The following IGF2BP1 variants were observed in gnomAD, a reference collection of about 807,000 sequenced individuals.
IGF2BP1 encodes insulin-like growth factor 2 mRNA-binding protein 1.
Under a neutral mutation model 74.9 loss-of-function variants are expected in IGF2BP1, and 11 were observed. The ratio of observed to expected loss-of-function variants is 0.15; its 90% CI spans 0.09 to 0.24. The LOEUF is 0.24. Ranked by LOEUF, IGF2BP1 falls within the 10% of genes least tolerant of loss-of-function variation. The pLI is 1.00. For missense variants in IGF2BP1, 440 were observed against 757.4 expected, an observed-to-expected ratio of 0.58 and a Z score of 4.92; for synonymous variants, 287 against 281.8, an observed-to-expected ratio of 1.02 and a Z score of -0.18.
Position 49,019,904 on chromosome 17 carries a change from TTATATATATATATATATATATATATA to T in IGF2BP1, c.237-5694_237-5669del, listed in dbSNP as rs60753189. The stretch of plus-strand genomic sequence containing the variant: ...GACCACAGGTGCACACCTGGCTAAT[TTATATATATATATATATATATATATA>T]TATATATATATATATATATTTATAT... On this transcript the variant is annotated intron_variant, in intron 2 of 14. Transcript: ENST00000290341. 1.8e-3 allele frequency among the ~76,000 whole-genome samples: 80 copies of T among 43,906 alleles called. 2 individuals are homozygous for T. The highest frequency in any genetic ancestry group is 3.2e-3 in the African/African-American group (39 of 12,050). 28.8% of individuals were successfully genotyped at this position (43,906 alleles called of 152,430 possible). A position where few individuals can be genotyped will look rare whatever the true frequency, so the allele number is the denominator to read the frequency against.
chr17:49,037,773 G>T (rs1051886622), intron 5 of IGF2BP1, among the ~76,000 whole-genome samples: 2 of 152,140 alleles, frequency 1.3e-5, no homozygotes, highest in Non-Finnish European at 2.9e-5. Context: ...TGTTAGCTTT[G>T]TGGAGCCTCT....
chr17:49,013,275 C>T (rs902036903), intron 2 of IGF2BP1, among the ~76,000 whole-genome samples: 1 of 152,188 alleles, frequency 6.6e-6, no homozygotes. Flanking sequence ...TCTATTGTGA[C>T]TTTGCTATGG....
At chr17:49,049,269 G>C in intron 14 of IGF2BP1, 83 bp from the exon 15 acceptor site, 2 of 1,104,532 alleles carry the variant, frequency 1.8e-6, no homozygotes, top group Non-Finnish European at 2.7e-6. Flanking sequence ...TATTGCCTGT[G>C]TCTGGACCTG....
Position 49,043,132 on chromosome 17 carries a change from C to T in IGF2BP1, c.1078-296C>T, listed in dbSNP as rs571464336. On this transcript the variant is annotated intron_variant, in intron 9 of 14. Transcript: ENST00000290341. ...AGTGTCATGGGTCTATCGTCTGTCTCCAGCAGTCTGAACAGCCAGAGAGGA... is the reference window on the plus strand; with the variant it reads ...AGTGTCATGGGTCTATCGTCTGTCTTCAGCAGTCTGAACAGCCAGAGAGGA... Among the ~76,000 whole-genome samples, 5 of 152,246 alleles carry T rather than the reference C, an allele frequency of 3.3e-5. No individual in the cohort carries two copies. The South Asian group carries it at 1.0e-3, about 32-fold the overall frequency.
intron 2 of IGF2BP1, among the ~76,000 whole-genome samples, chr17:49,019,987 C>T (rs1218094671): frequency 6.9e-5 from 6 of 87,512 alleles, no homozygotes; most frequent in South Asian, 4.1e-4. Flanking sequence ...TACACCCACA[C>T]ATATATATAC....
intron 2 of IGF2BP1, among the ~76,000 whole-genome samples, chr17:49,016,802 C>T (rs1345089692): frequency 7.8e-6 from 1 of 128,662 alleles, no homozygotes; most frequent in African/African-American, 2.9e-5. Flanking sequence ...CGCCCGCCCG[C>T]CCCCCTGTCC....
At chr17:49,016,594 G>A (rs908244320) in intron 2 of IGF2BP1, among the ~76,000 whole-genome samples, 6 of 152,140 alleles carry the variant, frequency 3.9e-5, no homozygotes, top group Non-Finnish European at 5.9e-5. Flanking sequence ...GAGGCAGTGC[G>A]TGTATGCCAC....
At chr17:49,038,807 G>A (rs917499603) in intron 6 of IGF2BP1, among the ~76,000 whole-genome samples, 33 of 151,746 alleles carry the variant, frequency 2.2e-4, no homozygotes, top group African/African-American at 6.5e-4. Flanking sequence ...TGGCCAACCT[G>A]TCCAAAATTA....
chr17:49,046,957 C>G lies in IGF2BP1; in HGVS notation c.1641+584C>G, dbSNP rs141236109. Reference sequence around the variant, plus strand: ...ATCAGGTTCAAATTTTGCTGAACCTCAGCAAGGCAAGCAAACAGGTGGTTG... The same window carrying G: ...ATCAGGTTCAAATTTTGCTGAACCTGAGCAAGGCAAGCAAACAGGTGGTTG... On this transcript the variant is annotated intron_variant, in intron 14 of 14. Coordinates refer to ENST00000290341, the MANE Select transcript of IGF2BP1 (RefSeq NM_006546.4). Among the ~76,000 whole-genome samples the G allele has an allele frequency of 1.2e-4, 18 of 152,288 alleles. 1 individual carries two copies. The East Asian group carries it at 3.5e-3, about 29-fold the overall frequency.
Position 49,038,355 on chromosome 17 carries a change from C to T in IGF2BP1, c.589C>T (p.Pro197Ser). The stretch of plus-strand genomic sequence containing the variant: ...AGCCAAGCAGCAGCAAGTGGACATC[C>T]CCCTTCGGCTCCTGGTGCCCACCCA... Reference protein sequence around the residue: ...APAKQQQVDIPLRLLVPTQYV... With the variant: ...APAKQQQVDISLRLLVPTQYV... The change falls in exon 6 of 15, where the codon CCC becomes TCC. Residue 197 changes from proline (P) to serine (S), a missense_variant. Transcript: ENST00000290341. The T allele has an allele frequency of 6.2e-7, 1 of 1,606,028 alleles. No individual in the cohort carries two copies. Among genetic ancestry groups the T allele is most frequent in the Non-Finnish European group, 8.5e-7 (1 of 1,176,448 alleles).
intron 2 of IGF2BP1, chr17:49,004,827 A>T (rs908495713): frequency 6.6e-6 from 1 of 152,224 alleles, no homozygotes; most frequent in Non-Finnish European, 1.5e-5. Flanking sequence ...AAAAAGCAGA[A>T]GGAAAGGTCT....
chr17:49,024,111 TG>T (rs1281928833), intron 2 of IGF2BP1, among the ~76,000 whole-genome samples: 1,578 of 143,670 alleles, frequency 0.011, 26 homozygotes, highest in Non-Finnish European at 0.02. Flanking sequence ...TTTTTTTTTT[TG>T]TAGAGAGGAG....
chr17:49,046,189 C>A, intron 13 of IGF2BP1, 71 bp from the exon 14 acceptor site: 1 of 1,470,188 alleles, frequency 6.8e-7, no homozygotes, highest in Non-Finnish European at 9.5e-7. Flanking sequence ...CACTAGTCAC[C>A]CTGGCTCCTC....
At chr17:49,033,100 C>T (rs552232646) in intron 5 of IGF2BP1, among the ~76,000 whole-genome samples, 1 of 152,256 alleles carries the variant, frequency 6.6e-6, no homozygotes, top group South Asian at 2.1e-4. Context: ...GCTTCAGCCA[C>T]CTCGCCTGCC....
chr17:49,024,453 C>G (rs984225097), intron 2 of IGF2BP1, among the ~76,000 whole-genome samples: 7 of 152,048 alleles, frequency 4.6e-5, no homozygotes, highest in African/African-American at 1.7e-4. Flanking sequence ...GAAGACAGTA[C>G]TGTATAGTTA....
chr17:49,044,800 C>T (rs1438135600), intron 11 of IGF2BP1, among the ~76,000 whole-genome samples, 191 bp from the exon 12 acceptor site: 2 of 152,230 alleles, frequency 1.3e-5, no homozygotes, highest in African/African-American at 2.4e-5. Context: ...TCTAACTGAC[C>T]ACCTCTGCCC....
At chr17:49,023,668 C>G (rs558422355) in intron 2 of IGF2BP1, among the ~76,000 whole-genome samples, 1 of 152,316 alleles carries the variant, frequency 6.6e-6, no homozygotes, top group East Asian at 1.9e-4. Flanking sequence ...GACAGCCAGT[C>G]AGGGGCAGGT....
At chr17:49,045,564 C>G (rs1027665585) in intron 12 of IGF2BP1, among the ~76,000 whole-genome samples, 7 of 152,206 alleles carry the variant, frequency 4.6e-5, no homozygotes, top group African/African-American at 1.7e-4. Flanking sequence ...AAATGCTGGT[C>G]AGTGCCACGT....
At chr17:49,043,595 G>A in intron 10 of IGF2BP1, 45 bp downstream of exon 10, 1 of 1,606,702 alleles carries the variant, frequency 6.2e-7, no homozygotes, top group Non-Finnish European at 8.5e-7. Flanking sequence ...GCCCATATGT[G>A]GCCTCCCTTA....
Sources: gnomAD v4.1 joint callset for allele counts (sites outside exome capture counted in the v4.1 genomes callset) on GRCh38, gnomAD v4.1.1 for gene constraint, MANE v1.5 for transcripts, NCBI Gene and HGNC (gene_info 2026-07-23, HGNC 2026-07-21) for gene names.